PHTF2: variants seen among roughly 807,000 people sequenced by gnomAD.
PHTF2 encodes putative homeodomain transcription factor 2.
In PHTF2, 60 loss-of-function variants were observed where a neutral mutation model predicts 101.2. That is an observed-to-expected ratio of 0.59 (90% CI 0.48 to 0.73). The LOEUF is 0.73. Among genes scored for constraint, PHTF2 ranks in the 30% least tolerant of loss-of-function variants. The probability of loss-of-function intolerance (pLI) is 0.00; values close to 1 mark genes in which losing one functional copy is unlikely to be tolerated. For synonymous variants in PHTF2, 311 were observed against 307.3 expected (o/e 1.01, Z -0.13); for missense variants, 747 against 908.7 (o/e 0.82, Z 2.29).
At chr7:77,926,612 C>T (rs541811766) in intron 11 of PHTF2, among the ~76,000 whole-genome samples, 5 of 151,928 alleles carry the variant, frequency 3.3e-5, no homozygotes, top group South Asian at 4.2e-4. Context: ...TTTGTGGACT[C>T]GTAGTATATT....
At chr7:77,839,963 T>TA (rs146074230) in intron 1 of PHTF2, among the ~76,000 whole-genome samples, 180 of 152,214 alleles carry the variant, frequency 1.2e-3, no homozygotes, top group African/African-American at 4.2e-3. Context: ...TTTAAAAGAT[T>TA]AAAAAAAATT....
Position 77,953,671 on chromosome 7 carries a change from T to A in PHTF2, c.2212-98T>A, listed in dbSNP as rs1256959207. Reference sequence around the variant, plus strand: ...CTAAAAGCATCCATAATTGGTAACTTTTTTGAAAGTGTTTTTTAATTCTCA... The same window carrying A: ...CTAAAAGCATCCATAATTGGTAACTATTTTGAAAGTGTTTTTTAATTCTCA... On this transcript the variant is annotated intron_variant, in intron 18 of 19. Coordinates refer to ENST00000416283, the Ensembl canonical transcript of PHTF2. 4 of 1,060,658 alleles carry A rather than the reference T, an allele frequency of 3.8e-6. No homozygotes were observed. In the Admixed American group the frequency reaches 1.1e-4, roughly 28 times the overall value. The allele number at this position is 1,060,658 out of a possible 1,614,324, so 65.7% of individuals were successfully genotyped here.
intron 2 of PHTF2, among the ~76,000 whole-genome samples, chr7:77,847,229 C>G (rs1361418097): frequency 6.6e-6 from 1 of 152,130 alleles, no homozygotes; most frequent in Non-Finnish European, 1.5e-5. Context: ...AGTCCTCTTG[C>G]CTTGGCTGGT....
chr7:77,948,943 A>G (rs890948571), intron 16 of PHTF2, among the ~76,000 whole-genome samples: 5 of 152,204 alleles, frequency 3.3e-5, no homozygotes, highest in African/African-American at 1.2e-4. Context: ...ACTTCTGGAG[A>G]AAGTTTTGCA....
intron 9 of PHTF2, among the ~76,000 whole-genome samples, chr7:77,910,649 CT>C (rs147815732): frequency 9.5e-5 from 14 of 147,554 alleles, no homozygotes; most frequent in Admixed American, 1.4e-4. Context: ...CTAGGATTTC[CT>C]TTTTTTTTTG....
intron 3 of PHTF2, among the ~76,000 whole-genome samples, chr7:77,889,577 C>CTT (rs1167785916): frequency 0.014 from 1,674 of 117,904 alleles, 33 homozygotes; most frequent in African/African-American, 0.049. Context: ...GTAGTATTTT[C>CTT]TTTTTTTTTT....
intron 3 of PHTF2, among the ~76,000 whole-genome samples, chr7:77,866,601 C>T (rs188387881): frequency 4.4e-4 from 67 of 151,754 alleles, no homozygotes; most frequent in Middle Eastern, 6.8e-3. Flanking sequence ...CCTCAATTGT[C>T]TCGTCAGTAA....
intron 15 of PHTF2, 142 bp from the exon 15 acceptor site, chr7:77,942,558 A>G (rs1805714187): frequency 4.5e-6 from 2 of 446,534 alleles, no homozygotes; most frequent in African/African-American, 2.0e-5. Context: ...TTGCCTAACA[A>G]ATTAGGTATA....
At chr7:77,856,487 C>T (rs1443663003) in intron 3 of PHTF2, among the ~76,000 whole-genome samples, 5 of 152,118 alleles carry the variant, frequency 3.3e-5, no homozygotes, top group Admixed American at 3.3e-4. Context: ...TCCCAAGTAG[C>T]TGGGACTACA....
chr7:77,940,054 G>A, exon 14 of PHTF2: 1 of 1,613,162 alleles, frequency 6.2e-7, no homozygotes, highest in Non-Finnish European at 8.5e-7. Flanking sequence ...ACCAGGAATA[G>A]GATACCAGAT....
chr7:77,954,612 G>GTGTATGTATATA (rs1426693429), intron 19 of PHTF2, among the ~76,000 whole-genome samples: 3 of 90,194 alleles, frequency 3.3e-5, no homozygotes, highest in African/African-American at 1.4e-4. Context: ...CAAGTACTGT[G>GTGTATGTATATA]TATATATATA....
chr7:77,836,387 A>C (rs1562858475), intron 1 of PHTF2, among the ~76,000 whole-genome samples: 1 of 152,144 alleles, frequency 6.6e-6, no homozygotes, highest in Non-Finnish European at 1.5e-5. Context: ...CTTACCCACC[A>C]TGTTGTTCAA....
chr7:77,860,552 G>T (rs1393594062), intron 3 of PHTF2, among the ~76,000 whole-genome samples: 3 of 152,164 alleles, frequency 2.0e-5, no homozygotes, highest in Non-Finnish European at 4.4e-5. Context: ...TAAAATTGCT[G>T]TGATGATTAA....
intron 1 of PHTF2, among the ~76,000 whole-genome samples, chr7:77,799,803 G>T (rs1487982757): frequency 6.6e-6 from 1 of 152,150 alleles, no homozygotes; most frequent in Non-Finnish European, 1.5e-5. Flanking sequence ...TGCAGAATCT[G>T]GAACAATTTA....
intron 1 of PHTF2, among the ~76,000 whole-genome samples, chr7:77,835,707 G>A (rs893535599): frequency 6.6e-6 from 1 of 152,152 alleles, no homozygotes; most frequent in Non-Finnish European, 1.5e-5. Context: ...ATAGCCTACT[G>A]TTGACAGGAA....
intron 3 of PHTF2, among the ~76,000 whole-genome samples, chr7:77,892,579 G>T (rs183453888): frequency 1.8e-4 from 28 of 152,090 alleles, no homozygotes; most frequent in Non-Finnish European, 3.5e-4. Flanking sequence ...AATTTCTTAG[G>T]CTTCTAATTT....
chr7:77,847,409 T>C (rs1417204748), intron 2 of PHTF2, among the ~76,000 whole-genome samples: 1 of 152,232 alleles, frequency 6.6e-6, no homozygotes, highest in African/African-American at 2.4e-5. Context: ...TCGCGACCTC[T>C]ATTTGATTTT....
chr7:77,925,319 C>G (rs577312295), intron 11 of PHTF2, among the ~76,000 whole-genome samples: 20 of 152,136 alleles, frequency 1.3e-4, no homozygotes, highest in African/African-American at 4.6e-4. Flanking sequence ...AAAGATTTGA[C>G]ATGACTAGCA....
intron 3 of PHTF2, among the ~76,000 whole-genome samples, chr7:77,870,269 T>C (rs1798410839): frequency 6.6e-6 from 1 of 151,590 alleles, no homozygotes; most frequent in Admixed American, 6.6e-5. Context: ...TTTGGTATGT[T>C]GTATTAGGGT....
Sources: gnomAD v4.1 joint callset for allele counts (sites outside exome capture counted in the v4.1 genomes callset) on GRCh38, gnomAD v4.1.1 for gene constraint, MANE v1.5 for transcripts, NCBI Gene and HGNC (gene_info 2026-07-23, HGNC 2026-07-21) for gene names.